The following SLC39A9 variants were observed in gnomAD, a reference collection of about 807,000 sequenced individuals.
The protein encoded by SLC39A9 is solute carrier family 39 member 9.
SLC39A9 carries 14 observed loss-of-function variants against 28.4 expected under a neutral mutation model. The observed-to-expected ratio is 0.49, with a 90% confidence interval of 0.33 to 0.77. The LOEUF is 0.77. Ranked by LOEUF, SLC39A9 falls within the 30% of genes least tolerant of loss-of-function variation. The pLI is 0.02. For synonymous variants in SLC39A9, 119 were observed against 149.6 expected (o/e 0.80, Z 1.49); for missense variants, 283 against 381.1 (o/e 0.74, Z 2.14).
chr14:69,429,066 A>C (rs1027292172), intron 2 of SLC39A9: 6 of 152,046 alleles, frequency 3.9e-5, no homozygotes, highest in African/African-American at 9.7e-5. Context: ...GCTCCTTCCA[A>C]CTTCTTTTTG....
intron 3 of SLC39A9, among the ~76,000 whole-genome samples, chr14:69,446,569 A>G (rs1885314981): frequency 6.6e-6 from 1 of 151,888 alleles, no homozygotes; most frequent in South Asian, 2.1e-4. Context: ...TAAAGCATAA[A>G]CCATTCAAAA....
intron 1 of SLC39A9, among the ~76,000 whole-genome samples, chr14:69,400,294 T>A (rs1400531532): frequency 6.6e-6 from 1 of 152,250 alleles, no homozygotes; most frequent in Admixed American, 6.5e-5. Flanking sequence ...CAAATCTATT[T>A]GCTTAGCAAT....
In SLC39A9 at chr14:69,458,500, C is replaced by T; in HGVS notation, c.831C>T (p.Ala277=). The T allele has an allele frequency of 1.9e-6, 3 of 1,614,266 alleles. No individual in the cohort carries two copies. The highest frequency in any genetic ancestry group is 3.3e-5 in the Admixed American group (2 of 60,030). ...GGIGHSHKPD[A]TGGRGLSRLE... Reference sequence around the variant, plus strand: ...TAGGGCACAGCCACAAGCCCGATGCCACGGGAGGGAGAGGCCTCAGCCGCC... The same window carrying T: ...TAGGGCACAGCCACAAGCCCGATGCTACGGGAGGGAGAGGCCTCAGCCGCC... The change falls in exon 7 of 7, where the codon GCC becomes GCT. Residue 277 remains alanine (A), a synonymous_variant. Transcript: ENST00000336643.
In SLC39A9 at chr14:69,399,137, G is replaced by A. The variant is rs1882477278; in HGVS notation, c.-233G>A. On this transcript the variant is annotated 5_prime_UTR_variant, in exon 1 of 7. Transcript: ENST00000336643. ...ACTGGCATCTGAGAACCCAGAGCCT[G>A]GGACCTTAGATTGCTGTAAGCTTTC... is the stretch of plus-strand genomic sequence containing the variant. 1 of 502,700 alleles carries A rather than the reference G, an allele frequency of 2.0e-6. No individual in the cohort carries two copies. Among genetic ancestry groups the A allele is most frequent in the Non-Finnish European group, 3.5e-6 (1 of 287,968 alleles). The allele number at this position is 502,700 out of a possible 1,614,324, so 31.1% of individuals were successfully genotyped here.
At chr14:69,418,336 G>A (rs773743298) in intron 1 of SLC39A9, among the ~76,000 whole-genome samples, 2 of 151,976 alleles carry the variant, frequency 1.3e-5, no homozygotes, top group Admixed American at 6.6e-5. Flanking sequence ...TGGTGGATAA[G>A]CTTTTTGATG....
intron 1 of SLC39A9, among the ~76,000 whole-genome samples, chr14:69,406,367 C>T (rs1039340013): frequency 1.2e-4 from 18 of 152,234 alleles, no homozygotes; most frequent in Admixed American, 9.2e-4. Context: ...ACAGGTTAGT[C>T]GTAAATTGTG....
chr14:69,413,879 C>T (rs1041409459), intron 1 of SLC39A9, among the ~76,000 whole-genome samples: 2 of 152,034 alleles, frequency 1.3e-5, no homozygotes, highest in East Asian at 1.9e-4. Context: ...GATTCTCCAT[C>T]TATATATTGA....
chr14:69,428,122 A>G (rs1169998095), intron 2 of SLC39A9, among the ~76,000 whole-genome samples: 1 of 152,156 alleles, frequency 6.6e-6, no homozygotes, highest in Non-Finnish European at 1.5e-5. Flanking sequence ...TACTAAAAAT[A>G]CAAAAATTAG....
chr14:69,453,204 A>AT, intron 3 of SLC39A9, 37 bp from the exon 4 acceptor site: 2 of 1,573,230 alleles, frequency 1.3e-6, no homozygotes, highest in East Asian at 4.5e-5. Context: ...TTTCTGTCTC[A>AT]CATAGCTTAA....
At chr14:69,440,607 C>G (rs1884999115) in intron 2 of SLC39A9, among the ~76,000 whole-genome samples, 1 of 152,018 alleles carries the variant, frequency 6.6e-6, no homozygotes, top group Non-Finnish European at 1.5e-5. Context: ...GAGAGAGAGA[C>G]AGAGAAAGAA....
intron 2 of SLC39A9, among the ~76,000 whole-genome samples, chr14:69,439,198 G>A (rs1884925193): frequency 6.6e-6 from 1 of 152,118 alleles, no homozygotes; most frequent in Admixed American, 6.6e-5. Context: ...GCATCAGAGG[G>A]GGAGGGAAAG....
At chr14:69,405,580 G>T (rs1376368558) in intron 1 of SLC39A9, among the ~76,000 whole-genome samples, 2 of 152,152 alleles carry the variant, frequency 1.3e-5, no homozygotes, top group Non-Finnish European at 2.9e-5. Flanking sequence ...GTGAGACCCT[G>T]TCTCAGATGA....
At chr14:69,454,664 A>G (rs1885776568) in intron 4 of SLC39A9, 148 bp from the exon 5 acceptor site, 1 of 560,994 alleles carries the variant, frequency 1.8e-6, no homozygotes, top group East Asian at 2.9e-5. Flanking sequence ...CATTGAACAC[A>G]TTTTAAAGAT....
intron 4 of SLC39A9, among the ~76,000 whole-genome samples, chr14:69,454,293 C>T (rs373141789): frequency 4.6e-5 from 7 of 152,076 alleles, no homozygotes; most frequent in South Asian, 2.1e-4. Context: ...TTTTTTGAGA[C>T]GGAGTCTCAC....
At chr14:69,435,341 A>C (rs1884689588) in intron 2 of SLC39A9, among the ~76,000 whole-genome samples, 1 of 152,168 alleles carries the variant, frequency 6.6e-6, no homozygotes, top group Admixed American at 6.5e-5. Flanking sequence ...AGTCTACTTC[A>C]TCTAATTTTA....
At chr14:69,426,341 T>C (rs1452231258) in intron 2 of SLC39A9, among the ~76,000 whole-genome samples, 1 of 152,010 alleles carries the variant, frequency 6.6e-6, no homozygotes, top group Non-Finnish European at 1.5e-5. Flanking sequence ...TTTGCAAGAG[T>C]GGGTCACAGA....
chr14:69,400,737 C>A (rs557715111), intron 1 of SLC39A9, among the ~76,000 whole-genome samples: 2 of 152,220 alleles, frequency 1.3e-5, no homozygotes, highest in East Asian at 3.9e-4. Flanking sequence ...AAAAGTAAAG[C>A]CCATAGCCAG....
chr14:69,442,273 G>A lies in SLC39A9; in HGVS notation c.403+7G>A. 6.2e-7 allele frequency: 1 copy of A among 1,613,414 alleles called. No homozygotes were observed. Among genetic ancestry groups the A allele is most frequent in the Non-Finnish European group, 8.5e-7 (1 of 1,179,404 alleles). On this transcript the variant is annotated splice_region_variant and intron_variant, in intron 3 of 6. Transcript: ENST00000336643. Reference sequence around the variant, plus strand: ...CATGTGCATTCTACTGACGGTGAGTGGCTCCAAGGCTTTCTGGGCAGTGCA... The same window carrying A: ...CATGTGCATTCTACTGACGGTGAGTAGCTCCAAGGCTTTCTGGGCAGTGCA...
At chr14:69,412,906 C>T (rs557465992) in intron 1 of SLC39A9, among the ~76,000 whole-genome samples, 1 of 152,170 alleles carries the variant, frequency 6.6e-6, no homozygotes, top group Non-Finnish European at 1.5e-5. Flanking sequence ...GGAAATACTG[C>T]AAAGCTAGAT....
Sources: gnomAD v4.1 joint callset for allele counts (sites outside exome capture counted in the v4.1 genomes callset) on GRCh38, gnomAD v4.1.1 for gene constraint, MANE v1.5 for transcripts, NCBI Gene and HGNC (gene_info 2026-07-23, HGNC 2026-07-21) for gene names.